Variants in ANGPT2 observed in about 807,000 individuals in gnomAD.
The protein encoded by ANGPT2 is angiopoietin-2.
A neutral mutation model predicts 62.9 loss-of-function variants in ANGPT2; 28 were observed. That is an observed-to-expected ratio of 0.44 (90% confidence interval 0.33 to 0.61). The LOEUF (loss-of-function observed/expected upper bound fraction) is 0.61, where lower values mean the gene tolerates loss of function less well. ANGPT2 is among the 20% of genes least tolerant of loss of function. The pLI is 0.03. For missense variants in ANGPT2, 727 were observed against 594.9 expected (o/e 1.22, Z -2.31); for synonymous variants, 284 against 207.8 (o/e 1.37, Z -3.15).
intron 1 of ANGPT2, among the ~76,000 whole-genome samples, chr8:6,539,949 T>G (rs977228977): frequency 9.2e-5 from 14 of 152,198 alleles, no homozygotes; most frequent in African/African-American, 3.4e-4. Flanking sequence ...TTTCCTACTT[T>G]CGCTAGTATA....
At position 6,562,936 on chromosome 8, in the gene ANGPT2, C is replaced by T. The variant is rs1368637747; in HGVS notation, c.-2G>A. On this transcript the variant is annotated 5_prime_UTR_variant, in exon 1 of 9. Coordinates refer to ENST00000629816, the MANE Select transcript of ANGPT2 (RefSeq NM_001118887.2). ...AGTAAAGAAAACAATCTGCCACATT[C>T]TTTCTTCAGTAATAAACCAGCAGCT... 1.9e-6 allele frequency: 3 copies of T among 1,581,046 alleles called. No homozygotes were observed. Among genetic ancestry groups the T allele is most frequent in the South Asian group, 2.3e-5 (2 of 88,084 alleles).
intron 1 of ANGPT2, among the ~76,000 whole-genome samples, chr8:6,552,175 T>G (rs1379871597): frequency 1.3e-5 from 2 of 152,226 alleles, no homozygotes; most frequent in Non-Finnish European, 2.9e-5. Flanking sequence ...AGAAGGTAGT[T>G]TGGGGCTATC....
At chr8:6,522,509 C>T (rs992213503) in intron 3 of ANGPT2, among the ~76,000 whole-genome samples, 1 of 152,104 alleles carries the variant, frequency 6.6e-6, no homozygotes, top group Non-Finnish European at 1.5e-5. Context: ...CTCAGTGGCT[C>T]ACACCTATAA....
At chr8:6,508,679 C>T in intron 8 of ANGPT2, 1 of 596,110 alleles carries the variant, frequency 1.7e-6, no homozygotes, top group Admixed American at 3.1e-5. Context: ...TCAAATATCC[C>T]CTCTCCTTGC....
chr8:6,515,490 CTT>C (rs1816080325), intron 5 of ANGPT2, among the ~76,000 whole-genome samples: 1 of 152,220 alleles, frequency 6.6e-6, no homozygotes, highest in Admixed American at 6.5e-5. Flanking sequence ...CTAAGCAACT[CTT>C]TTTATTTCTG....
intron 2 of ANGPT2, among the ~76,000 whole-genome samples, chr8:6,530,514 A>G (rs1364838791): frequency 8.0e-5 from 8 of 99,806 alleles, no homozygotes; most frequent in African/African-American, 3.4e-4. Flanking sequence ...GTCTCAAAAA[A>G]AAAAAAAAAA....
At chr8:6,544,666 T>C (rs978380462) in intron 1 of ANGPT2, among the ~76,000 whole-genome samples, 2 of 152,192 alleles carry the variant, frequency 1.3e-5, no homozygotes, top group African/African-American at 2.4e-5. Context: ...TTTATTTCTA[T>C]AGGATTCCTC....
intron 6 of ANGPT2, among the ~76,000 whole-genome samples, 196 bp downstream of exon 6, chr8:6,514,481 G>A (rs540796630): frequency 5.3e-5 from 8 of 152,290 alleles, no homozygotes; most frequent in South Asian, 2.1e-4. Context: ...GAGCCAGCAC[G>A]TCTGGCTGCA....
intron 4 of ANGPT2, among the ~76,000 whole-genome samples, chr8:6,520,799 G>A (rs1342087949): frequency 6.6e-6 from 1 of 152,162 alleles, no homozygotes; most frequent in African/African-American, 2.4e-5. Context: ...TCTCTTAAGT[G>A]CCATTGTATT....
chr8:6,500,281 A>G lies in ANGPT2; in HGVS notation c.*2820T>C, dbSNP rs947363881. On this transcript the variant is annotated 3_prime_UTR_variant, in exon 9 of 9. Transcript: ENST00000629816. ...ATAGAAATAGAACTGATAGGTATAA[A>G]GATTATGGCTTGCTGGTGCTGTGAT... 6 of 230,334 alleles carry G rather than the reference A, an allele frequency of 2.6e-5. No homozygotes were observed. The highest frequency in any genetic ancestry group is 5.2e-5 in the Non-Finnish European group (6 of 114,868). The allele number at this position is 230,334 out of a possible 1,614,324, so 14.3% of individuals were successfully genotyped here. A position where few individuals can be genotyped will look rare whatever the true frequency, so the allele number is the denominator to read the frequency against.
intron 1 of ANGPT2, among the ~76,000 whole-genome samples, chr8:6,555,803 G>T (rs973642704): frequency 6.6e-6 from 1 of 152,130 alleles, no homozygotes; most frequent in Non-Finnish European, 1.5e-5. Context: ...TTAAATAGTT[G>T]TACCAATTAT....
At chr8:6,560,441 G>C (rs1825347089) in intron 1 of ANGPT2, among the ~76,000 whole-genome samples, 1 of 152,188 alleles carries the variant, frequency 6.6e-6, no homozygotes, top group South Asian at 2.1e-4. Flanking sequence ...AAAACAAACA[G>C]TGAGGTTACA....
chr8:6,518,697 C>T (rs980642312), intron 5 of ANGPT2, among the ~76,000 whole-genome samples: 1 of 152,072 alleles, frequency 6.6e-6, no homozygotes, highest in African/African-American at 2.4e-5. Flanking sequence ...CGAAAATTTC[C>T]ACTTTGGTAC....
Position 6,499,894 on chromosome 8 carries a change from C to G in ANGPT2, c.*3207G>C. On this transcript the variant is annotated 3_prime_UTR_variant, in exon 9 of 9. Transcript: ENST00000629816. The stretch of plus-strand genomic sequence containing the variant: ...ATTGGGTCACTGGATTTCTGAGGAG[C>G]CGTTCGAACTGTCTCACCACTTCCC... 4.3e-6 allele frequency: 7 copies of G among 1,613,556 alleles called. No individual in the cohort carries two copies. The highest frequency in any genetic ancestry group is 5.9e-6 in the Non-Finnish European group (7 of 1,179,998).
chr8:6,523,895 T>TG lies in ANGPT2; in HGVS notation c.567-2486_567-2485insC, dbSNP rs1185306902. Among the ~76,000 whole-genome samples, 281 of 151,638 alleles carry TG rather than the reference T, an allele frequency of 1.9e-3. 5 individuals carry two copies. The highest frequency in any genetic ancestry group is 6.6e-3 in the African/African-American group (272 of 41,316). On this transcript the variant is annotated intron_variant, in intron 3 of 8. Transcript: ENST00000629816. ...AGCCACCGTGCCTGGCTGGCATTTT[T>TG]TTTTTTTTTTAATAAGATACAAGAG... is the stretch of plus-strand genomic sequence containing the variant.
intron 5 of ANGPT2, among the ~76,000 whole-genome samples, chr8:6,517,154 C>A (rs1042935397): frequency 2.0e-5 from 3 of 152,190 alleles, no homozygotes; most frequent in Non-Finnish European, 4.4e-5. Flanking sequence ...ATATCAGGAT[C>A]AGCAAAGCAG....
intron 1 of ANGPT2, among the ~76,000 whole-genome samples, chr8:6,560,252 T>C (rs1263941780): frequency 6.6e-6 from 1 of 152,170 alleles, no homozygotes; most frequent in African/African-American, 2.4e-5. Context: ...AAAGAAAATA[T>C]GTAAAACCAT....
chr8:6,517,698 C>A (rs2129568496), intron 5 of ANGPT2, among the ~76,000 whole-genome samples: 1 of 152,208 alleles, frequency 6.6e-6, no homozygotes, highest in African/African-American at 2.4e-5. Flanking sequence ...TGTCACAACC[C>A]CCAAGGCTGA....
At chr8:6,507,462 A>G (rs571350462) in intron 8 of ANGPT2, 16 of 152,262 alleles carry the variant, frequency 1.1e-4, no homozygotes, top group African/African-American at 3.8e-4. Context: ...TCAAGAACTA[A>G]CTTGACAGCA....
Sources: gnomAD v4.1 joint callset for allele counts (sites outside exome capture counted in the v4.1 genomes callset) on GRCh38, gnomAD v4.1.1 for gene constraint, MANE v1.5 for transcripts, NCBI Gene and HGNC (gene_info 2026-07-23, HGNC 2026-07-21) for gene names.